The following FARSB variants were observed in gnomAD, a reference collection of about 807,000 sequenced individuals.
The protein encoded by FARSB is phenylalanyl-tRNA synthetase subunit beta.
Under a neutral mutation model 69.6 loss-of-function variants are expected in FARSB, and 40 were observed. That is an observed-to-expected ratio of 0.57 (90% CI 0.45 to 0.75). The LOEUF is 0.75. FARSB is among the 30% of genes least tolerant of loss of function. The pLI, the probability that FARSB is intolerant of heterozygous loss-of-function variation, is 0.00. For synonymous variants in FARSB, 235 were observed against 247.2 expected (o/e 0.95, Z 0.46); for missense variants, 632 against 722.9 (o/e 0.87, Z 1.44).
chr2:222,585,697 C>T (rs991588908), intron 16 of FARSB, among the ~76,000 whole-genome samples: 1 of 152,144 alleles, frequency 6.6e-6, no homozygotes, highest in Admixed American at 6.5e-5. Context: ...GAGCTGAAAA[C>T]CATGGCAAGA....
chr2:222,608,991 C>T (rs1321331559), intron 15 of FARSB, among the ~76,000 whole-genome samples: 3 of 152,202 alleles, frequency 2.0e-5, no homozygotes, highest in Non-Finnish European at 4.4e-5. Context: ...GTCAAATTGA[C>T]AATTGGAGGA....
At position 222,620,953 on chromosome 2, in the gene FARSB, A is replaced by G. The variant is rs535221996; in HGVS notation, c.1252-1216T>C. Among the ~76,000 whole-genome samples, 13 of 152,360 alleles carry G rather than the reference A, an allele frequency of 8.5e-5. No homozygotes were observed. In the East Asian group the frequency reaches 2.1e-3, roughly 25 times the overall value. The stretch of plus-strand genomic sequence containing the variant: ...TCCTGAAGCCACATCCAGCCATAGC[A>G]GAAAACAGCTCCCGGATCTGCTACA... On this transcript the variant is annotated intron_variant, in intron 13 of 16. Coordinates refer to ENST00000281828, the MANE Select transcript of FARSB (RefSeq NM_005687.5).
intron 15 of FARSB, among the ~76,000 whole-genome samples, 162 bp from the exon 16 acceptor site, chr2:222,600,245 C>A (rs903567896): frequency 6.6e-6 from 1 of 152,104 alleles, no homozygotes; most frequent in Non-Finnish European, 1.5e-5. Context: ...ATAAAATAGT[C>A]TTTTTTCAGC....
Position 222,569,793 on chromosome 2 carries a change from T to C in FARSB, c.*2078A>G, listed in dbSNP as rs1337867295. On this transcript the variant is annotated 3_prime_UTR_variant, in exon 17 of 17. Transcript: ENST00000281828. ...TCATTCATGTTGTTTTGAGGATCAG[T>C]AGTTCATTCCTTCTTATTGCTGAGA... 6.6e-6 allele frequency: 1 copy of C among 152,214 alleles called. No homozygotes were observed. Among genetic ancestry groups the C allele is most frequent in the East Asian group, 1.9e-4 (1 of 5,204 alleles). The allele number at this position is 152,214 out of a possible 1,614,324, so 9.4% of individuals were successfully genotyped here.
intron 13 of FARSB, 33 bp downstream of exon 13, chr2:222,623,617 A>T (rs748555945): frequency 3.4e-6 from 4 of 1,183,510 alleles, no homozygotes; most frequent in African/African-American, 1.5e-5. Flanking sequence ...TAAGTAAATA[A>T]TCATCTGGGC....
chr2:222,590,401 A>T (rs1690238121), intron 16 of FARSB, among the ~76,000 whole-genome samples: 1 of 152,022 alleles, frequency 6.6e-6, no homozygotes, highest in South Asian at 2.1e-4. Flanking sequence ...CATTAGGAGA[A>T]ATAACCTAAT....
intron 6 of FARSB, among the ~76,000 whole-genome samples, chr2:222,633,598 C>G (rs1156251534): frequency 6.7e-6 from 1 of 149,556 alleles, no homozygotes; most frequent in African/African-American, 2.5e-5. Context: ...AGGAGGATCA[C>G]TTGAACCCGG....
intron 10 of FARSB, among the ~76,000 whole-genome samples, chr2:222,625,663 T>C (rs773205041): frequency 2.0e-5 from 3 of 152,200 alleles, no homozygotes; most frequent in East Asian, 1.9e-4. Context: ...AAGGTGAAGA[T>C]TGCAAAGTAA....
At chr2:222,628,774 G>C in intron 10 of FARSB, 63 bp downstream of exon 10, 2 of 1,120,508 alleles carry the variant, frequency 1.8e-6, no homozygotes, top group Admixed American at 3.6e-5. Flanking sequence ...GAACATGAGT[G>C]CTCTATAGCC....
rs1690511270 is a variant in FARSB, at chr2:222,599,730, T to TA, written c.1618+197dup. Among the ~76,000 whole-genome samples, 3 of 152,312 alleles carry TA rather than the reference T, an allele frequency of 2.0e-5. No individual in the cohort carries two copies. In the South Asian group the frequency reaches 6.2e-4, roughly 32 times the overall value. On this transcript the variant is annotated intron_variant, in intron 16 of 16. Transcript: ENST00000281828. The stretch of plus-strand genomic sequence containing the variant: ...GAACGAAAGTATACTGTGCAGCACT[T>TA]ACGAGAGTTCTGAAAAGTGTTTTCT...
intron 16 of FARSB, among the ~76,000 whole-genome samples, chr2:222,589,575 CA>C (rs1690209826): frequency 6.7e-6 from 1 of 150,010 alleles, no homozygotes; most frequent in South Asian, 2.1e-4. Flanking sequence ...AGTGAACAGG[CA>C]ACCTACAGAA....
intron 10 of FARSB, among the ~76,000 whole-genome samples, chr2:222,628,250 A>G (rs1338252562): frequency 6.6e-6 from 1 of 152,224 alleles, no homozygotes; most frequent in Admixed American, 6.5e-5. Flanking sequence ...GGATGCTACA[A>G]AATAATTAAC....
intron 16 of FARSB, among the ~76,000 whole-genome samples, chr2:222,596,972 T>C (rs1377193528): frequency 2.0e-5 from 3 of 152,038 alleles, no homozygotes; most frequent in Non-Finnish European, 4.4e-5. Flanking sequence ...AAAACAGAAA[T>C]CCCTATGAGA....
intron 13 of FARSB, among the ~76,000 whole-genome samples, chr2:222,622,048 C>G (rs544746502): frequency 6.6e-6 from 1 of 152,116 alleles, no homozygotes; most frequent in Non-Finnish European, 1.5e-5. Context: ...CAGGCATGGG[C>G]GGGAATCCCT....
intron 16 of FARSB, among the ~76,000 whole-genome samples, chr2:222,587,266 C>A (rs561664514): frequency 1.5e-3 from 222 of 152,102 alleles, no homozygotes; most frequent in African/African-American, 5.1e-3. Context: ...TACTGGGTAC[C>A]TAACGAAATG....
chr2:222,588,224 G>A (rs1339908253), intron 16 of FARSB, among the ~76,000 whole-genome samples: 1 of 151,946 alleles, frequency 6.6e-6, no homozygotes, highest in African/African-American at 2.4e-5. Context: ...ATCAATAAAC[G>A]TAATCCAGCA....
intron 7 of FARSB, 105 bp downstream of exon 7, chr2:222,633,094 T>C: frequency 2.8e-6 from 2 of 724,520 alleles, no homozygotes; most frequent in Admixed American, 2.1e-5. Flanking sequence ...ACTCAGATTA[T>C]GAGTTATTTG....
At chr2:222,648,891 A>G (rs1189311810) in intron 1 of FARSB, 96 bp from the exon 2 acceptor site, 9 of 806,482 alleles carry the variant, frequency 1.1e-5, no homozygotes, top group Non-Finnish European at 1.8e-5. Context: ...ATTGCCTTAC[A>G]CCAATCATAC....
At chr2:222,594,613 GA>G (rs1690364416) in intron 16 of FARSB, among the ~76,000 whole-genome samples, 3 of 151,906 alleles carry the variant, frequency 2.0e-5, no homozygotes, top group East Asian at 3.9e-4. Context: ...AGCAATTAAG[GA>G]AAAAGAAAAT....
Sources: allele counts gnomAD v4.1 joint callset (sites outside exome capture counted in the v4.1 genomes callset), GRCh38; gene constraint gnomAD v4.1.1; transcripts MANE v1.5; gene names NCBI Gene and HGNC (gene_info 2026-07-23, HGNC 2026-07-21).